The following PTPRD variants were observed in gnomAD, a reference collection of about 807,000 sequenced individuals.
The protein encoded by PTPRD is protein tyrosine phosphatase receptor type D.
Under a neutral mutation model 214.5 loss-of-function variants are expected in PTPRD, and 34 were observed. The ratio of observed to expected loss-of-function variants is 0.16; its 90% confidence interval spans 0.12 to 0.21. PTPRD has a LOEUF of 0.21. PTPRD is among the 10% of genes least tolerant of loss of function. PTPRD has a pLI of 1.00. For missense variants in PTPRD, 2,545 were observed against 2,398.7 expected, an observed-to-expected ratio of 1.06 and a Z score of -1.27; for synonymous variants, 1,128 against 845.7, an observed-to-expected ratio of 1.33 and a Z score of -5.79.
At chr9:9,474,995 A>G (rs2094920493) in intron 8 of PTPRD, among the ~76,000 whole-genome samples, 1 of 152,088 alleles carries the variant, frequency 6.6e-6, no homozygotes. Flanking sequence ...AAGGAGGAAA[A>G]CAGACCAGCC....
chr9:10,360,970 C>T lies in PTPRD; in HGVS notation c.-599-19953G>A, dbSNP rs555776868. On this transcript the variant is annotated intron_variant, in intron 2 of 45. Transcript: ENST00000381196. ...ACAAAAAATTAGCCGGGCGTGGTGCCGGGCGCCTGTAGTCCCAGCTACTCG... is the reference window on the plus strand; with the variant it reads ...ACAAAAAATTAGCCGGGCGTGGTGCTGGGCGCCTGTAGTCCCAGCTACTCG... 2.7e-4 allele frequency among the ~76,000 whole-genome samples: 41 copies of T among 151,780 alleles called. No individual in the cohort carries two copies. In the East Asian group the frequency reaches 6.4e-3, roughly 24 times the overall value.
chr9:10,277,866 G>C (rs1347503583), intron 3 of PTPRD, among the ~76,000 whole-genome samples: 1 of 151,932 alleles, frequency 6.6e-6, no homozygotes, highest in Non-Finnish European at 1.5e-5. Flanking sequence ...TACTTTAAAA[G>C]AGTGCTTTGA....
intron 11 of PTPRD, among the ~76,000 whole-genome samples, chr9:8,850,216 G>A (rs953700331): frequency 4.6e-5 from 7 of 152,208 alleles, no homozygotes; most frequent in East Asian, 1.9e-4. Flanking sequence ...AGAAATGCAC[G>A]TCTGGAACTC....
intron 11 of PTPRD, among the ~76,000 whole-genome samples, chr9:8,884,971 C>G (rs1566823872): frequency 1.3e-5 from 2 of 152,018 alleles, no homozygotes; most frequent in Admixed American, 6.6e-5. Flanking sequence ...AAGCTCATGA[C>G]CATCAGTGAG....
Position 9,142,849 on chromosome 9 carries a change from T to C in PTPRD, c.-143+40455A>G, listed in dbSNP as rs145039250. Among the ~76,000 whole-genome samples, 1,007 of 152,274 alleles carry C rather than the reference T, an allele frequency of 6.6e-3. 12 individuals are homozygous for C. Among genetic ancestry groups the C allele is most frequent in the African/African-American group, 0.024 (977 of 41,552 alleles). ...TTTTCATTCATCTGGCTCTGTGTCC[T>C]GGAAGATTAATCTACAGGGCCATAT... On this transcript the variant is annotated intron_variant, in intron 10 of 45. Transcript: ENST00000381196.
At chr9:9,395,334 T>G (rs560448767) in intron 9 of PTPRD, among the ~76,000 whole-genome samples, 2 of 152,184 alleles carry the variant, frequency 1.3e-5, no homozygotes, top group East Asian at 3.9e-4. Flanking sequence ...CATTTCCTGA[T>G]ATAATCACCA....
rs181722718 is a variant in PTPRD at position 10,201,600 on chromosome 9, G to A, written c.-545+139363C>T. 1.8e-4 allele frequency among the ~76,000 whole-genome samples: 27 copies of A among 152,138 alleles called. No homozygotes were observed. In the East Asian group the frequency reaches 4.6e-3, roughly 26 times the overall value. ...TATATATGTGTGTGTGTGCATGTGT[G>A]TGTGTATATGAATTTTCTTTATCTG... is the stretch of plus-strand genomic sequence containing the variant. On this transcript the variant is annotated intron_variant, in intron 3 of 45. Coordinates refer to ENST00000381196, the MANE Select transcript of PTPRD (RefSeq NM_002839.4).
intron 11 of PTPRD, among the ~76,000 whole-genome samples, chr9:8,913,560 A>T (rs534735610): frequency 1.3e-5 from 2 of 152,142 alleles, no homozygotes; most frequent in Non-Finnish European, 2.9e-5. Flanking sequence ...TTAAATAAAA[A>T]AGTATTATAA....
chr9:9,209,292 C>A (rs1291745586), intron 9 of PTPRD, among the ~76,000 whole-genome samples: 1 of 152,046 alleles, frequency 6.6e-6, no homozygotes, highest in Admixed American at 6.6e-5. Flanking sequence ...GGGTCAAACA[C>A]CTGTGTTTCC....
At chr9:8,985,765 C>T (rs897614974) in intron 11 of PTPRD, among the ~76,000 whole-genome samples, 4 of 151,964 alleles carry the variant, frequency 2.6e-5, no homozygotes, top group African/African-American at 9.7e-5. Flanking sequence ...CTATTTTCCA[C>T]AATATATTGT....
intron 3 of PTPRD, among the ~76,000 whole-genome samples, chr9:10,108,861 G>A (rs1209793820): frequency 3.3e-5 from 3 of 91,262 alleles, no homozygotes; most frequent in East Asian, 4.9e-4. Context: ...AGTCAGGCAC[G>A]TAAAGAGGGT....
At chr9:9,183,877 C>T (rs2099929754) in intron 9 of PTPRD, among the ~76,000 whole-genome samples, 1 of 151,996 alleles carries the variant, frequency 6.6e-6, no homozygotes, top group South Asian at 2.1e-4. Flanking sequence ...AAAATTCCAT[C>T]TTATAAGCAT....
chr9:10,482,248 G>C (rs540857835), intron 2 of PTPRD, among the ~76,000 whole-genome samples: 1 of 151,894 alleles, frequency 6.6e-6, no homozygotes, highest in Non-Finnish European at 1.5e-5. Flanking sequence ...GCGGGTGCCT[G>C]TAGTCCCAGC....
intron 7 of PTPRD, among the ~76,000 whole-genome samples, chr9:9,712,423 C>T (rs2097754598): frequency 6.6e-6 from 1 of 152,080 alleles, no homozygotes; most frequent in South Asian, 2.1e-4. Context: ...ACTTTTTACT[C>T]CAGTTCATTA....
chr9:10,610,384 A>C (rs1294488605), intron 2 of PTPRD, among the ~76,000 whole-genome samples: 4 of 152,196 alleles, frequency 2.6e-5, no homozygotes, highest in Non-Finnish European at 5.9e-5. Flanking sequence ...AGAATGCACA[A>C]ATCTGTCATG....
chr9:8,445,997 C>T (rs996954237), intron 34 of PTPRD, among the ~76,000 whole-genome samples: 8 of 152,146 alleles, frequency 5.3e-5, no homozygotes, highest in African/African-American at 1.9e-4. Flanking sequence ...CTTTGGAAGG[C>T]TCTCAGCAGT....
chr9:10,467,902 T>C (rs1470013710), intron 2 of PTPRD, among the ~76,000 whole-genome samples: 1 of 151,676 alleles, frequency 6.6e-6, no homozygotes, highest in African/African-American at 2.4e-5. Flanking sequence ...GAAAAAAAAA[T>C]CTCATCATCA....
intron 8 of PTPRD, among the ~76,000 whole-genome samples, chr9:9,475,912 G>A (rs758265140): frequency 1.5e-4 from 23 of 151,974 alleles, no homozygotes; most frequent in African/African-American, 3.6e-4. Context: ...TGCTACCTCC[G>A]CAGTGGTAGT....
intron 39 of PTPRD, among the ~76,000 whole-genome samples, chr9:8,359,227 A>G (rs1455263794): frequency 6.6e-6 from 1 of 151,562 alleles, no homozygotes. Flanking sequence ...CAGCAGCATC[A>G]GCAGCATGTA....
Sources: allele counts gnomAD v4.1 joint callset (sites outside exome capture counted in the v4.1 genomes callset), GRCh38; gene constraint gnomAD v4.1.1; transcripts MANE v1.5; gene names NCBI Gene and HGNC (gene_info 2026-07-23, HGNC 2026-07-21).